The following NDST3 variants were observed in gnomAD, a reference collection of about 807,000 sequenced individuals.
The protein encoded by NDST3 is bifunctional heparan sulfate N-deacetylase/N-sulfotransferase 3.
NDST3 carries 58 observed loss-of-function variants against 96.1 expected under a neutral mutation model. The observed-to-expected ratio is 0.60, with a 90% CI of 0.49 to 0.75. NDST3 has a LOEUF of 0.75. NDST3 is among the 30% of genes least tolerant of loss of function. The pLI is 0.00. For missense variants in NDST3, 788 were observed against 1,034.2 expected (o/e 0.76, Z 3.27); for synonymous variants, 333 against 359.7 (o/e 0.93, Z 0.84).
At chr4:118,251,130 A>T (rs201282032) in intron 12 of NDST3, among the ~76,000 whole-genome samples, 37,661 of 125,738 alleles carry the variant, frequency 0.3, 7,023 homozygotes, top group Middle Eastern at 0.42. Context: ...TTTTTATTTT[A>T]TTTTTTTTTT....
At chr4:118,150,170 G>A (rs1734285402) in intron 6 of NDST3, among the ~76,000 whole-genome samples, 1 of 152,112 alleles carries the variant, frequency 6.6e-6, no homozygotes, top group Admixed American at 6.6e-5. Context: ...GTATTTTATT[G>A]AGGATTTTTG....
chr4:118,061,895 C>T (rs202207814), intron 2 of NDST3, among the ~76,000 whole-genome samples: 1 of 152,076 alleles, frequency 6.6e-6, no homozygotes, highest in East Asian at 1.9e-4. Context: ...GAGACTCCAG[C>T]GCAGCCACAT....
intron 5 of NDST3, among the ~76,000 whole-genome samples, chr4:118,141,660 T>C (rs1733581575): frequency 6.6e-6 from 1 of 152,218 alleles, no homozygotes; most frequent in Admixed American, 6.5e-5. Context: ...AGCAAAATAT[T>C]CAAACTGAAC....
chr4:118,085,979 T>C (rs1405281524), intron 2 of NDST3, among the ~76,000 whole-genome samples: 1 of 152,200 alleles, frequency 6.6e-6, no homozygotes, highest in Non-Finnish European at 1.5e-5. Flanking sequence ...GAATCCTCTA[T>C]TCTCTCAACA....
intron 1 of NDST3, among the ~76,000 whole-genome samples, chr4:118,041,846 A>C (rs2110426522): frequency 6.6e-6 from 1 of 152,314 alleles, no homozygotes; most frequent in Non-Finnish European, 1.5e-5. Flanking sequence ...TACTGGGAAA[A>C]AACATGAGCC....
rs1329658997 is a variant in NDST3 at position 118,151,133 on chromosome 4, A to T, written c.1539+7449A>T. ...ATCATCATTCTCAGTAAACTATCGC[A>T]AGAACAAAAAACCAAACACCGCATA... On this transcript the variant is annotated intron_variant, in intron 6 of 13. Coordinates refer to ENST00000296499, the MANE Select transcript of NDST3 (RefSeq NM_004784.3). 2.6e-5 allele frequency among the ~76,000 whole-genome samples: 4 copies of T among 152,172 alleles called. 1 individual carries two copies. The highest frequency in any genetic ancestry group is 6.3e-3 in the Middle Eastern group (2 of 316).
At chr4:118,193,374 C>A (rs1263839217) in intron 6 of NDST3, 3 of 530,028 alleles carry the variant, frequency 5.7e-6, no homozygotes, top group African/African-American at 3.8e-5. Context: ...GGGGGGCAGG[C>A]AGCCACAGGA....
intron 2 of NDST3, among the ~76,000 whole-genome samples, chr4:118,076,072 GAT>G (rs1266287982): frequency 6.6e-6 from 1 of 152,088 alleles, no homozygotes; most frequent in Non-Finnish European, 1.5e-5. Flanking sequence ...AGTTTGGCTG[GAT>G]ATGAGTTATT....
chr4:118,142,852 A>T (rs1289776082), intron 5 of NDST3, among the ~76,000 whole-genome samples: 1 of 152,124 alleles, frequency 6.6e-6, no homozygotes, highest in Non-Finnish European at 1.5e-5. Flanking sequence ...TGAAGCAGAT[A>T]ATACATATAT....
intron 2 of NDST3, among the ~76,000 whole-genome samples, chr4:118,070,577 C>T (rs1387100639): frequency 6.6e-6 from 1 of 151,816 alleles, no homozygotes; most frequent in African/African-American, 2.4e-5. Flanking sequence ...AAACAAATTT[C>T]CCAGCCTGTG....
At chr4:118,043,958 T>C (rs1724610401) in intron 1 of NDST3, among the ~76,000 whole-genome samples, 1 of 152,202 alleles carries the variant, frequency 6.6e-6, no homozygotes, top group South Asian at 2.1e-4. Flanking sequence ...AAGAGCTTAA[T>C]AGAAAAGAAA....
intron 4 of NDST3, among the ~76,000 whole-genome samples, chr4:118,133,456 C>G (rs1578701020): frequency 1.3e-5 from 2 of 152,172 alleles, no homozygotes; most frequent in African/African-American, 4.8e-5. Flanking sequence ...GGAAAGGTGG[C>G]ATTGGCGATT....
chr4:118,038,860 A>C (rs1023532653), intron 1 of NDST3, among the ~76,000 whole-genome samples: 11 of 152,206 alleles, frequency 7.2e-5, no homozygotes, highest in Non-Finnish European at 1.5e-4. Context: ...TGCCAACTTT[A>C]ACATGATTCT....
intron 2 of NDST3, among the ~76,000 whole-genome samples, chr4:118,077,728 G>C (rs981582443): frequency 3.9e-5 from 6 of 152,124 alleles, no homozygotes; most frequent in Non-Finnish European, 7.4e-5. Flanking sequence ...TTCCTGCTTG[G>C]GCACCACCCA....
intron 6 of NDST3, among the ~76,000 whole-genome samples, chr4:118,210,466 C>T (rs756035578): frequency 4.6e-5 from 7 of 152,064 alleles, no homozygotes; most frequent in Non-Finnish European, 1.0e-4. Flanking sequence ...GGAATATTAG[C>T]CTAGGATCCT....
chr4:118,236,585 A>G (rs1398340465), intron 9 of NDST3, among the ~76,000 whole-genome samples: 1 of 152,216 alleles, frequency 6.6e-6, no homozygotes, highest in Admixed American at 6.5e-5. Flanking sequence ...GGCACAATAC[A>G]TTTGTAGAAA....
intron 2 of NDST3, 93 bp downstream of exon 2, chr4:118,054,984 A>G (rs1725318600): frequency 6.6e-7 from 1 of 1,520,802 alleles, no homozygotes; most frequent in African/African-American, 1.4e-5. Context: ...GTTACCCAGG[A>G]CATGGGATTT....
chr4:118,216,591 C>G (rs1739207970), intron 6 of NDST3, among the ~76,000 whole-genome samples: 2 of 152,044 alleles, frequency 1.3e-5, no homozygotes, highest in Admixed American at 1.3e-4. Context: ...GTGGAGCCCT[C>G]TTTCTTAATC....
chr4:118,172,209 A>AC (rs1735996230), intron 6 of NDST3, among the ~76,000 whole-genome samples: 1 of 152,198 alleles, frequency 6.6e-6, no homozygotes, highest in African/African-American at 2.4e-5. Flanking sequence ...TAGGACAAAC[A>AC]CCAGGGAGGC....
Sources: gnomAD v4.1 joint callset for allele counts (sites outside exome capture counted in the v4.1 genomes callset) on GRCh38, gnomAD v4.1.1 for gene constraint, MANE v1.5 for transcripts, NCBI Gene and HGNC (gene_info 2026-07-23, HGNC 2026-07-21) for gene names.